Variants in IQCJ observed in about 807,000 individuals in gnomAD.
IQCJ encodes IQ domain-containing protein J.
Under a neutral mutation model 11.0 loss-of-function variants are expected in IQCJ, and 9 were observed. The ratio of observed to expected loss-of-function variants is 0.82; its 90% CI spans 0.49 to 1.43. The LOEUF is 1.43. IQCJ is among the 40% of genes most tolerant of loss of function. IQCJ has a pLI of 0.00. For missense variants in IQCJ, 146 were observed against 133.2 expected (o/e 1.10, Z -0.47); for synonymous variants, 55 against 51.3 (o/e 1.07, Z -0.31).
At chr3:159,248,792 G>A (rs1727422792) in intron 2 of IQCJ, among the ~76,000 whole-genome samples, 1 of 151,976 alleles carries the variant, frequency 6.6e-6, no homozygotes, top group Non-Finnish European at 1.5e-5. Context: ...ATTCTCCAAG[G>A]ACACACTTTC....
intron 3 of IQCJ, among the ~76,000 whole-genome samples, chr3:159,253,024 A>G (rs1308003106): frequency 6.6e-6 from 1 of 152,036 alleles, no homozygotes; most frequent in African/African-American, 2.4e-5. Context: ...CATTATTTTC[A>G]CCACTTTTTG....
chr3:159,081,745 G>T (rs889760482), intron 1 of IQCJ, among the ~76,000 whole-genome samples: 6 of 148,880 alleles, frequency 4.0e-5, no homozygotes, highest in African/African-American at 1.5e-4. Flanking sequence ...TGTGGGGAAA[G>T]TATGATTTTA....
intron 1 of IQCJ, among the ~76,000 whole-genome samples, chr3:159,162,343 G>A (rs546598434): frequency 7.9e-5 from 12 of 152,078 alleles, no homozygotes; most frequent in Admixed American, 1.3e-4. Flanking sequence ...GTCTGTTATT[G>A]GTGTATAAGA....
intron 1 of IQCJ, among the ~76,000 whole-genome samples, chr3:159,216,062 G>A (rs1237075720): frequency 7.5e-6 from 1 of 133,938 alleles, no homozygotes; most frequent in African/African-American, 2.8e-5. Context: ...GAAAAGTTTT[G>A]AGAAAAAGAA....
At chr3:159,107,115 C>A (rs972371168) in intron 1 of IQCJ, among the ~76,000 whole-genome samples, 1 of 152,110 alleles carries the variant, frequency 6.6e-6, no homozygotes, top group African/African-American at 2.4e-5. Context: ...CCTTTATCTG[C>A]CCTACCTGCT....
chr3:159,130,108 A>T (rs73027658), intron 1 of IQCJ, among the ~76,000 whole-genome samples: 5,209 of 152,192 alleles, frequency 0.034, 312 homozygotes, highest in African/African-American at 0.12. Context: ...ACCTCTGGGA[A>T]CCTCTAATCT....
downstream of IQCJ, chr3:159,265,193 T>C (rs1728430139): frequency 1.2e-6 from 2 of 1,600,178 alleles, no homozygotes; most frequent in Admixed American, 1.7e-5. Context: ...GCTAAGCTTG[T>C]TTTATCTGCT....
At chr3:159,237,749 G>A (rs996864566) in intron 1 of IQCJ, among the ~76,000 whole-genome samples, 4 of 152,212 alleles carry the variant, frequency 2.6e-5, no homozygotes, top group African/African-American at 9.6e-5. Context: ...GTTATTTGGT[G>A]AGTCTAACCG....
At chr3:159,110,796 G>A (rs1718577668) in intron 1 of IQCJ, among the ~76,000 whole-genome samples, 1 of 152,204 alleles carries the variant, frequency 6.6e-6, no homozygotes, top group East Asian at 1.9e-4. Flanking sequence ...TCTGAGAATC[G>A]GGGATGTTTA....
intron 1 of IQCJ, among the ~76,000 whole-genome samples, chr3:159,087,151 C>T (rs887413965): frequency 3.3e-5 from 5 of 152,100 alleles, no homozygotes; most frequent in Non-Finnish European, 7.3e-5. Flanking sequence ...TTGCCAAAGG[C>T]CTTTTCTGCA....
At chr3:159,218,276 T>G (rs577182610) in intron 1 of IQCJ, among the ~76,000 whole-genome samples, 1 of 151,884 alleles carries the variant, frequency 6.6e-6, no homozygotes, top group Non-Finnish European at 1.5e-5. Context: ...GGCCCCAGAG[T>G]CCATGAGTTC....
intron 1 of IQCJ, among the ~76,000 whole-genome samples, chr3:159,116,614 GTATATA>G (rs57810703): frequency 3.0e-3 from 171 of 57,488 alleles, no homozygotes; most frequent in South Asian, 4.7e-3. Flanking sequence ...CTGCTCATAT[GTATATA>G]TATATATATA....
chr3:159,259,406 T>A (rs1197938194), intron 3 of IQCJ, among the ~76,000 whole-genome samples: 1 of 152,148 alleles, frequency 6.6e-6, no homozygotes, highest in Non-Finnish European at 1.5e-5. Flanking sequence ...ATGAATAGCA[T>A]TGTCTAGTTT....
At chr3:159,079,200 G>A (rs990287986) in intron 1 of IQCJ, among the ~76,000 whole-genome samples, 1 of 152,088 alleles carries the variant, frequency 6.6e-6, no homozygotes, top group Non-Finnish European at 1.5e-5. Context: ...GGGGGCTTGG[G>A]CATTTCTGAC....
At chr3:159,157,210 C>T (rs1721571553) in intron 1 of IQCJ, among the ~76,000 whole-genome samples, 1 of 152,176 alleles carries the variant, frequency 6.6e-6, no homozygotes, top group African/African-American at 2.4e-5. Flanking sequence ...GGGAAGCTGG[C>T]TCAGGCTTTG....
intron 1 of IQCJ, among the ~76,000 whole-genome samples, chr3:159,119,500 A>T (rs1719224802): frequency 6.6e-6 from 1 of 152,212 alleles, no homozygotes; most frequent in East Asian, 1.9e-4. Context: ...AAAATTATAT[A>T]AATTTCTTGC....
At chr3:159,248,345 C>T (rs1024347237) in intron 2 of IQCJ, among the ~76,000 whole-genome samples, 1 of 152,152 alleles carries the variant, frequency 6.6e-6, no homozygotes. Flanking sequence ...AGCCCTTTGA[C>T]CAAATGAAGT....
At chr3:159,173,420 G>C (rs917777312) in intron 1 of IQCJ, among the ~76,000 whole-genome samples, 1 of 152,142 alleles carries the variant, frequency 6.6e-6, no homozygotes, top group East Asian at 1.9e-4. Context: ...GTAGAAACGT[G>C]TTGATTTATA....
At chr3:159,265,555 C>A, downstream of IQCJ, 2 of 601,678 alleles carry the variant, frequency 3.3e-6, no homozygotes, top group Non-Finnish European at 5.7e-6. Context: ...TGTCAGTGAG[C>A]TGTGTCCCTG....
Sources: gnomAD v4.1 joint callset for allele counts (sites outside exome capture counted in the v4.1 genomes callset) on GRCh38, gnomAD v4.1.1 for gene constraint, MANE v1.5 for transcripts, NCBI Gene and HGNC (gene_info 2026-07-23, HGNC 2026-07-21) for gene names.